The following KBTBD3 variants were observed in gnomAD, a reference collection of about 807,000 sequenced individuals.
KBTBD3 encodes kelch repeat and BTB domain containing 3, also known as kelch repeat and BTB domain-containing protein 3.
In KBTBD3, 38 loss-of-function variants were observed where a neutral mutation model predicts 49.6. The ratio of observed to expected loss-of-function variants is 0.77; its 90% CI spans 0.59 to 1.00. The LOEUF (loss-of-function observed/expected upper bound fraction) is 1.00. Ranked by LOEUF, KBTBD3 falls within the 50% of genes least tolerant of loss-of-function variation. The pLI is 0.00. For synonymous variants in KBTBD3, 214 were observed against 250.4 expected, an observed-to-expected ratio of 0.85 and a Z score of 1.37; for missense variants, 661 against 712.0, an observed-to-expected ratio of 0.93 and a Z score of 0.81.
intron 2 of KBTBD3, among the ~76,000 whole-genome samples, chr11:106,067,466 G>A (rs1860831512): frequency 6.6e-6 from 1 of 152,022 alleles, no homozygotes; most frequent in Non-Finnish European, 1.5e-5. Context: ...AGCTGGGTGT[G>A]GTGGCAGGCA....
Position 106,054,169 on chromosome 11 carries a change from A to T in KBTBD3, c.520T>A (p.Leu174Ile). The change falls in exon 4 of 4, where the codon TTA becomes ATA. Residue 174 changes from leucine (L) to isoleucine (I), a missense_variant. Coordinates refer to ENST00000531837, the MANE Select transcript of KBTBD3 (RefSeq NM_198439.3). ...GAAAAGTGATGTTGTACAAAGTGTA[A>T]TGCATGATCAAACAAACTGGTGGAG... ...YGSTSLFDHA[L>I]HFVQHHFSLL... The T allele has an allele frequency of 6.2e-7, 1 of 1,613,120 alleles. No individual in the cohort carries two copies. The highest frequency in any genetic ancestry group is 8.5e-7 in the Non-Finnish European group (1 of 1,179,452).
chr11:106,061,054 G>GA (rs1013248920), intron 2 of KBTBD3, among the ~76,000 whole-genome samples: 2 of 152,082 alleles, frequency 1.3e-5, no homozygotes, highest in African/African-American at 4.8e-5. Context: ...ACAAATATAT[G>GA]AAAAAAATCT....
chr11:106,056,592 T>C (rs1302555742), intron 3 of KBTBD3, among the ~76,000 whole-genome samples: 1 of 152,256 alleles, frequency 6.6e-6, no homozygotes, highest in East Asian at 1.9e-4. Context: ...TAACTGAATG[T>C]AGTAGGTACG....
chr11:106,073,147 G>A (rs1269524670), intron 2 of KBTBD3, among the ~76,000 whole-genome samples: 2 of 151,944 alleles, frequency 1.3e-5, no homozygotes, highest in African/African-American at 4.8e-5. Context: ...AGGATGGACT[G>A]CAGTGGCAAG....
At chr11:106,057,045 T>C (rs1322976140) in intron 3 of KBTBD3, among the ~76,000 whole-genome samples, 1 of 152,168 alleles carries the variant, frequency 6.6e-6, no homozygotes, top group Admixed American at 6.5e-5. Context: ...GGCAAACAGC[T>C]AGTTCAAGAC....
At chr11:106,055,980 T>C (rs1366713012) in intron 3 of KBTBD3, among the ~76,000 whole-genome samples, 1 of 152,208 alleles carries the variant, frequency 6.6e-6, no homozygotes, top group Non-Finnish European at 1.5e-5. Context: ...TACCATCTTA[T>C]CATAAAGTAT....
chr11:106,072,365 AT>A (rs1057427549), intron 2 of KBTBD3, among the ~76,000 whole-genome samples: 6 of 152,094 alleles, frequency 3.9e-5, no homozygotes, highest in Non-Finnish European at 7.4e-5. Context: ...GTGTTATATG[AT>A]TTTTTTAAAA....
At position 106,053,664 on chromosome 11, in the gene KBTBD3, T is replaced by C; in HGVS notation, c.1025A>G (p.Glu342Gly). The C allele has an allele frequency of 6.2e-7, 1 of 1,613,820 alleles. No homozygotes were observed. The highest frequency in any genetic ancestry group is 8.5e-7 in the Non-Finnish European group (1 of 1,179,898). The change falls in exon 4 of 4, where the codon GAG becomes GGG. Residue 342 changes from glutamate to glycine, a missense_variant. Transcript: ENST00000531837. ...LPGSSLSSYG[E>G]KIFLTGGCKG... ...GCAACCACCTGTCAAGAATATTTTC[T>C]CTCCGTAACTCGAAAGACTAGATCC...
At chr11:106,057,967 C>T (rs898002750) in intron 3 of KBTBD3, 1 of 398,202 alleles carries the variant, frequency 2.5e-6, no homozygotes, top group African/African-American at 2.1e-5. Context: ...ACAAAGCTGA[C>T]ACCATCAAAA....
chr11:106,058,812 T>C, intron 3 of KBTBD3, 53 bp downstream of exon 3: 1 of 1,028,714 alleles, frequency 9.7e-7, no homozygotes, highest in Non-Finnish European at 1.5e-6. Flanking sequence ...CAGTATAAAA[T>C]AGAACTTAAT....
chr11:106,060,596 A>T (rs1259997770), intron 2 of KBTBD3, among the ~76,000 whole-genome samples: 1 of 152,204 alleles, frequency 6.6e-6, no homozygotes, highest in Non-Finnish European at 1.5e-5. Flanking sequence ...TGTATGCAGA[A>T]AACTGAAACT....
chr11:106,068,233 T>C (rs1860848850), intron 2 of KBTBD3, among the ~76,000 whole-genome samples: 1 of 152,126 alleles, frequency 6.6e-6, no homozygotes. Context: ...AACAACACCA[T>C]CAATCAACAG....
intron 2 of KBTBD3, among the ~76,000 whole-genome samples, chr11:106,063,659 G>A (rs1860748633): frequency 6.6e-6 from 1 of 152,170 alleles, no homozygotes; most frequent in African/African-American, 2.4e-5. Context: ...TTGGCCGGGT[G>A]CAGTGGCTTA....
intron 2 of KBTBD3, among the ~76,000 whole-genome samples, chr11:106,065,958 C>CAAA (rs55960503): frequency 1.9e-5 from 2 of 106,862 alleles, no homozygotes; most frequent in African/African-American, 7.3e-5. Context: ...AAGACTGTCT[C>CAAA]AAAAAAAAAA....
chr11:106,073,218 T>C (rs1434517485), intron 2 of KBTBD3, among the ~76,000 whole-genome samples: 2 of 150,674 alleles, frequency 1.3e-5, no homozygotes, highest in African/African-American at 4.9e-5. Context: ...TTCATCCTCC[T>C]GAGTAGCTGG....
intron 3 of KBTBD3, chr11:106,057,746 T>C (rs914501692): frequency 3.2e-5 from 9 of 278,204 alleles, no homozygotes; most frequent in Admixed American, 2.1e-4. Context: ...AGCTAAGAAG[T>C]ACTTTTCCCT....
chr11:106,070,666 T>TA (rs1229760193), intron 2 of KBTBD3, among the ~76,000 whole-genome samples: 7 of 151,988 alleles, frequency 4.6e-5, no homozygotes, highest in Non-Finnish European at 1.0e-4. Context: ...GGCAGTTTCT[T>TA]AAAAAAACTA....
Position 106,052,312 on chromosome 11 carries a change from TA to T in KBTBD3, c.*537del, listed in dbSNP as rs1373574360. 1 of 151,862 alleles carries T rather than the reference TA, an allele frequency of 6.6e-6. No individual in the cohort carries two copies. The highest frequency in any genetic ancestry group is 1.5e-5 in the Non-Finnish European group (1 of 67,904). 9.4% of individuals were successfully genotyped at this position (151,862 alleles called of 1,614,324 possible). On this transcript the variant is annotated 3_prime_UTR_variant, in exon 4 of 4. Coordinates refer to ENST00000531837, the MANE Select transcript of KBTBD3 (RefSeq NM_198439.3). ...TGCTTTTAATGAAAAAATGAGTCAT[TA>T]AAAAAAGTTAAACTATGTTTAGTGT...
intron 2 of KBTBD3, among the ~76,000 whole-genome samples, chr11:106,059,653 GGCAA>G (rs1014257449): frequency 1.3e-5 from 2 of 152,132 alleles, no homozygotes; most frequent in African/African-American, 4.8e-5. Flanking sequence ...AGAAGAAAAA[GGCAA>G]GCACTTTTCC....
Sources: allele counts gnomAD v4.1 joint callset (sites outside exome capture counted in the v4.1 genomes callset), GRCh38; gene constraint gnomAD v4.1.1; transcripts MANE v1.5; gene names NCBI Gene and HGNC (gene_info 2026-07-23, HGNC 2026-07-21).